MICAL2: variants seen among roughly 807,000 people sequenced by gnomAD.
The protein encoded by MICAL2 is microtubule associated monooxygenase, calponin and LIM domain containing 2.
MICAL2 carries 77 observed loss-of-function variants against 127.3 expected under a neutral mutation model. That is an observed-to-expected ratio of 0.60 (90% CI 0.50 to 0.73). The LOEUF (loss-of-function observed/expected upper bound fraction) is 0.73, where lower values mean the gene tolerates loss of function less well. Ranked by LOEUF, MICAL2 falls within the 30% of genes least tolerant of loss-of-function variation. The probability of loss-of-function intolerance (pLI) is 0.00; values close to 1 mark genes in which losing one functional copy is unlikely to be tolerated. For missense variants in MICAL2, 1,351 were observed against 1,434.4 expected, an observed-to-expected ratio of 0.94 and a Z score of 0.94; for synonymous variants, 570 against 551.1, an observed-to-expected ratio of 1.03 and a Z score of -0.48.
In MICAL2 at chr11:12,222,350, G is replaced by A. The variant is rs545635113; in HGVS notation, c.1323-267G>A. 1.5e-4 allele frequency among the ~76,000 whole-genome samples: 23 copies of A among 152,298 alleles called. No homozygotes were observed. In the South Asian group the frequency reaches 4.1e-3, roughly 27 times the overall value. ...GGTTATGGCAAAACCACAGGCCACC[G>A]TGCTGCCAGCCCTGCATCCCTCCCC... On this transcript the variant is annotated intron_variant, in intron 10 of 27. Transcript: ENST00000683283.
chr11:12,210,497 C>T (rs1855316264), intron 6 of MICAL2, among the ~76,000 whole-genome samples: 1 of 152,210 alleles, frequency 6.6e-6, no homozygotes, highest in Non-Finnish European at 1.5e-5. Flanking sequence ...CTGTGGGCCG[C>T]CTGGCTCAGG....
At chr11:12,140,498 CTT>C (rs61115916) in intron 2 of MICAL2, among the ~76,000 whole-genome samples, 37 of 132,440 alleles carry the variant, frequency 2.8e-4, no homozygotes, top group Admixed American at 4.6e-4. Flanking sequence ...AACTTTGGCT[CTT>C]TTTTTTTTTT....
upstream of MICAL2, among the ~76,000 whole-genome samples, chr11:12,271,249 C>G (rs1032693953): frequency 6.6e-6 from 1 of 152,204 alleles, no homozygotes; most frequent in Non-Finnish European, 1.5e-5. Flanking sequence ...CCCATGACTC[C>G]TAGGTACCTC....
intron 3 of MICAL2, among the ~76,000 whole-genome samples, chr11:12,183,726 G>T (rs1857783995): frequency 6.6e-6 from 1 of 152,204 alleles, no homozygotes; most frequent in Non-Finnish European, 1.5e-5. Context: ...GGGCCTGAGA[G>T]CATGGTCTTT....
intron 29 of MICAL2, chr11:12,319,647 G>A: frequency 7.3e-7 from 1 of 1,366,442 alleles, no homozygotes; most frequent in Non-Finnish European, 1.0e-6. Flanking sequence ...GGTTCATAAA[G>A]CAGGAAATGA....
chr11:12,338,279 C>G (rs1834323755), intron 32 of MICAL2, among the ~76,000 whole-genome samples: 1 of 152,052 alleles, frequency 6.6e-6, no homozygotes, highest in Non-Finnish European at 1.5e-5. Flanking sequence ...CTTGCAACCC[C>G]TGCCTTTTTT....
At chr11:12,164,693 A>G (rs1855261697) in intron 3 of MICAL2, among the ~76,000 whole-genome samples, 1 of 152,162 alleles carries the variant, frequency 6.6e-6, no homozygotes, top group African/African-American at 2.4e-5. Flanking sequence ...AACCTCAGAG[A>G]AGGATTCTAA....
intron 1 of MICAL2, among the ~76,000 whole-genome samples, chr11:12,119,394 A>G (rs1440923227): frequency 6.6e-6 from 1 of 152,180 alleles, no homozygotes; most frequent in Non-Finnish European, 1.5e-5. Flanking sequence ...CATCGCTCTT[A>G]TGCTCTATCC....
chr11:12,193,817 G>T (rs11022246), intron 3 of MICAL2, among the ~76,000 whole-genome samples: 13,592 of 152,242 alleles, frequency 0.089, 659 homozygotes, highest in African/African-American at 0.13. Context: ...TTCATGTCTT[G>T]GTTTTGTTAT....
At chr11:12,244,893 C>T (rs923888966) in intron 21 of MICAL2, among the ~76,000 whole-genome samples, 4 of 152,144 alleles carry the variant, frequency 2.6e-5, no homozygotes, top group Non-Finnish European at 5.9e-5. Flanking sequence ...TTATAGGAAG[C>T]CACTGCAGGA....
intron 15 of MICAL2, among the ~76,000 whole-genome samples, chr11:12,228,797 C>T (rs2641941): frequency 0.34 from 51,256 of 151,880 alleles, 9,071 homozygotes; most frequent in East Asian, 0.44. Context: ...TGTGTTGGGG[C>T]GGATGGCAAA....
At chr11:12,278,192 TTTTC>T (rs1171267577) in intron 1 of MICAL2, among the ~76,000 whole-genome samples, 3 of 152,188 alleles carry the variant, frequency 2.0e-5, no homozygotes, top group Admixed American at 6.5e-5. Flanking sequence ...TGAAAAATAT[TTTTC>T]TTTCTTCAAT....
At chr11:12,212,611 A>G (rs1489737447) in intron 6 of MICAL2, among the ~76,000 whole-genome samples, 1 of 151,874 alleles carries the variant, frequency 6.6e-6, no homozygotes, top group Non-Finnish European at 1.5e-5. Flanking sequence ...AAAGGACACC[A>G]GTCATATTGG....
At chr11:12,283,417 G>A (rs1863792508) in intron 2 of MICAL2, among the ~76,000 whole-genome samples, 1 of 150,204 alleles carries the variant, frequency 6.7e-6, no homozygotes, top group Non-Finnish European at 1.5e-5. Context: ...TTAGCCAAAA[G>A]GGGGAAACAA....
intron 8 of MICAL2, among the ~76,000 whole-genome samples, chr11:12,217,021 T>C (rs938415668): frequency 3.9e-5 from 6 of 152,204 alleles, no homozygotes; most frequent in African/African-American, 1.4e-4. Flanking sequence ...GGCCTCTGCT[T>C]CGTGGCCTTG....
At chr11:12,220,740 C>T (rs1479491239) in intron 9 of MICAL2, among the ~76,000 whole-genome samples, 2 of 152,232 alleles carry the variant, frequency 1.3e-5, no homozygotes, top group African/African-American at 2.4e-5. Flanking sequence ...CCGGTCTGGG[C>T]CATATGAGCC....
chr11:12,147,862 C>G (rs1478511396), intron 2 of MICAL2, among the ~76,000 whole-genome samples: 1 of 152,230 alleles, frequency 6.6e-6, no homozygotes, highest in East Asian at 1.9e-4. Flanking sequence ...TCTTGAACCT[C>G]AGGCTGCAGG....
At chr11:12,212,349 T>G (rs1054308478) in intron 6 of MICAL2, among the ~76,000 whole-genome samples, 1 of 152,082 alleles carries the variant, frequency 6.6e-6, no homozygotes, top group African/African-American at 2.4e-5. Context: ...TGGTGACACA[T>G]GCATATTGTC....
rs60376892 is a variant in MICAL2 at position 12,238,099 on chromosome 11, T to TA, written c.2065-1328dup. On this transcript the variant is annotated intron_variant, in intron 16 of 27. Coordinates refer to ENST00000683283, the MANE Select transcript of MICAL2 (RefSeq NM_001282663.2). ...GGGCTGCCACACCTAGGGATCTTTTTAAAAAAAAATTAACTATAGCTTGCC... is the reference window on the plus strand; with the variant it reads ...GGGCTGCCACACCTAGGGATCTTTTTAAAAAAAAAATTAACTATAGCTTGCC... Among the ~76,000 whole-genome samples the TA allele has an allele frequency of 4.6e-3, 699 of 151,968 alleles. 2 individuals carry two copies. The highest frequency in any genetic ancestry group is 0.016 in the African/African-American group (673 of 41,452).
Sources: gnomAD v4.1 joint callset for allele counts (sites outside exome capture counted in the v4.1 genomes callset) on GRCh38, gnomAD v4.1.1 for gene constraint, MANE v1.5 for transcripts, NCBI Gene and HGNC (gene_info 2026-07-23, HGNC 2026-07-21) for gene names.